Variants in FSCN1 observed in about 807,000 individuals in gnomAD.
FSCN1 encodes fascin actin-bundling protein 1.
Under a neutral mutation model 39.7 loss-of-function variants are expected in FSCN1, and 10 were observed. The observed-to-expected ratio is 0.25, with a 90% confidence interval of 0.16 to 0.43. The LOEUF (loss-of-function observed/expected upper bound fraction) is 0.43. Among genes scored for constraint, FSCN1 ranks in the 20% least tolerant of loss-of-function variants. The pLI, the probability that FSCN1 is intolerant of heterozygous loss-of-function variation, is 1.00. For synonymous variants in FSCN1, 322 were observed against 320.0 expected (o/e 1.01, Z -0.07); for missense variants, 525 against 723.8 (o/e 0.73, Z 3.15).
At chr7:5,594,210 GGC>G (rs1197086912) in intron 1 of FSCN1, among the ~76,000 whole-genome samples, 1 of 152,202 alleles carries the variant, frequency 6.6e-6, no homozygotes, top group Admixed American at 6.5e-5. Context: ...CACCCGCAAG[GGC>G]GCGCCTCCAC....
chr7:5,596,741 G>A (rs1285492765), intron 1 of FSCN1, among the ~76,000 whole-genome samples: 5 of 152,232 alleles, frequency 3.3e-5, no homozygotes, highest in African/African-American at 7.2e-5. Flanking sequence ...GGAAGGGCTC[G>A]TCAAGCTGGG....
intron 1 of FSCN1, among the ~76,000 whole-genome samples, chr7:5,600,008 T>A (rs1242979537): frequency 6.6e-6 from 1 of 152,148 alleles, no homozygotes; most frequent in Non-Finnish European, 1.5e-5. Flanking sequence ...GTTCTTAGAA[T>A]CCAGAGCGCG....
In FSCN1 at chr7:5,599,486, G is replaced by C. The variant is rs572721331; in HGVS notation, c.833-3771G>C. On this transcript the variant is annotated intron_variant, in intron 1 of 4. Coordinates refer to ENST00000382361, the MANE Select transcript of FSCN1 (RefSeq NM_003088.4). This position sits in a 1 kb window ranked among gnomAD's most constrained non-coding sequence, Gnocchi z 5.6. ...GATGAAGATCCCCACCTGTGGAGCAGATGTGGGGCTGCATGGTTGGGTCAG... is the reference window on the plus strand; with the variant it reads ...GATGAAGATCCCCACCTGTGGAGCACATGTGGGGCTGCATGGTTGGGTCAG... 1.6e-3 allele frequency among the ~76,000 whole-genome samples: 250 copies of C among 152,350 alleles called. 1 individual carries two copies. The highest frequency in any genetic ancestry group is 2.9e-3 in the Admixed American group (45 of 15,302).
At position 5,605,232 on chromosome 7, in the gene FSCN1, G is replaced by A. The variant is rs745998714; in HGVS notation, c.1280-40G>A. 2 of 1,505,776 alleles carry A rather than the reference G, an allele frequency of 1.3e-6. No individual in the cohort carries two copies. Among genetic ancestry groups the A allele is most frequent in the East Asian group, 2.3e-5 (1 of 44,218 alleles). The allele number at this position is 1,505,776 out of a possible 1,614,324, so 93.3% of individuals were successfully genotyped here. On this transcript the variant is annotated intron_variant, in intron 4 of 4. Transcript: ENST00000382361. The surrounding 1 kb of genome is among the most constrained non-coding windows in gnomAD (Gnocchi z 6.9). ...CCGCTGCCCAGGGTAGGGGTGGGGAGCCAGGCTTTGGGCCCCACTTGATAA... is the reference window on the plus strand; with the variant it reads ...CCGCTGCCCAGGGTAGGGGTGGGGAACCAGGCTTTGGGCCCCACTTGATAA...
intron 1 of FSCN1, among the ~76,000 whole-genome samples, chr7:5,600,740 A>G (rs1218511877): frequency 9.1e-5 from 12 of 132,040 alleles, no homozygotes; most frequent in Middle Eastern, 4.5e-3. Flanking sequence ...TGCAAGCTCC[A>G]CCTCCCGGGT....
At position 5,606,422 on chromosome 7, in the gene FSCN1, T is replaced by G. The variant is rs1328207019; in HGVS notation, c.*948T>G. Reference sequence around the variant, plus strand: ...CCTGGGCCAGAGCCCCTGCTGTGATTGGTGCTCCCTGGGCCTCCCGGGTGG... The same window carrying G: ...CCTGGGCCAGAGCCCCTGCTGTGATGGGTGCTCCCTGGGCCTCCCGGGTGG... On this transcript the variant is annotated 3_prime_UTR_variant, in exon 5 of 5. Transcript: ENST00000382361. The surrounding 1 kb of genome is among the most constrained non-coding windows in gnomAD (Gnocchi z 5.1). 2 of 151,964 alleles carry G rather than the reference T, an allele frequency of 1.3e-5. No homozygotes were observed. The highest frequency in any genetic ancestry group is 2.4e-5 in the African/African-American group (1 of 41,372). The allele number at this position is 151,964 out of a possible 1,614,324, so 9.4% of individuals were successfully genotyped here.
At position 5,605,446 on chromosome 7, in the gene FSCN1, T is replaced by C; in HGVS notation, c.1454T>C (p.Val485Ala). The change falls in exon 5 of 5, where the codon GTG (valine) becomes GCG (alanine). Residue 485 changes from valine to alanine, a missense_variant. Physicochemically the swap from Val to Ala is moderately conservative, Grantham distance 64. Coordinates refer to ENST00000382361, the MANE Select transcript of FSCN1 (RefSeq NM_003088.4). The surrounding 1 kb of genome is among the most constrained non-coding windows in gnomAD (Gnocchi z 6.9). ...AGVLKASAET[V>A]DPASLWEY ...GTCCTGAAGGCCTCGGCGGAAACCGTGGACCCCGCCTCGCTCTGGGAGTAC... is the reference window on the plus strand; with the variant it reads ...GTCCTGAAGGCCTCGGCGGAAACCGCGGACCCCGCCTCGCTCTGGGAGTAC... The C allele has an allele frequency of 6.3e-7, 1 of 1,597,962 alleles. No homozygotes were observed. Among genetic ancestry groups the C allele is most frequent in the Non-Finnish European group, 8.5e-7 (1 of 1,172,464 alleles).
chr7:5,594,882 C>T (rs1316339868), intron 1 of FSCN1: 2 of 152,258 alleles, frequency 1.3e-5, no homozygotes, highest in East Asian at 1.9e-4. Context: ...CCGTCCCCTC[C>T]GGGGCCTCCT....
At chr7:5,600,203 G>C (rs1288009888) in intron 1 of FSCN1, among the ~76,000 whole-genome samples, 1 of 151,966 alleles carries the variant, frequency 6.6e-6, no homozygotes, top group African/African-American at 2.4e-5. Flanking sequence ...CCTGAGGTCA[G>C]GAGTTTGAGA....
intron 1 of FSCN1, among the ~76,000 whole-genome samples, chr7:5,594,280 G>C (rs1028659940): frequency 8.5e-5 from 13 of 152,096 alleles, no homozygotes; most frequent in Non-Finnish European, 1.8e-4. Flanking sequence ...CTTTGATCCC[G>C]GCGGGGCGCG....
chr7:5,605,453 C>G lies in FSCN1; in HGVS notation c.1461C>G (p.Pro487=), dbSNP rs748943348. 1.3e-6 allele frequency: 2 copies of G among 1,589,578 alleles called. No individual in the cohort carries two copies. Among genetic ancestry groups the G allele is most frequent in the Non-Finnish European group, 8.6e-7 (1 of 1,168,202 alleles). The change falls in exon 5 of 5, where the codon CCC becomes CCG. Residue 487 remains proline (P), a synonymous_variant. Coordinates refer to ENST00000382361, the MANE Select transcript of FSCN1 (RefSeq NM_003088.4). The surrounding 1 kb of genome is among the most constrained non-coding windows in gnomAD (Gnocchi z 6.9). ...VLKASAETVD[P]ASLWEY ...AGGCCTCGGCGGAAACCGTGGACCC[C>G]GCCTCGCTCTGGGAGTACTAGGGCC... is the stretch of plus-strand genomic sequence containing the variant.
chr7:5,594,730 C>G (rs1200465343), intron 1 of FSCN1: 1 of 152,168 alleles, frequency 6.6e-6, no homozygotes, highest in Admixed American at 6.5e-5. Context: ...CAGGCCGGTG[C>G]GCTGAGCTCC....
Position 5,599,347 on chromosome 7 carries a change from G to A in FSCN1, c.833-3910G>A, listed in dbSNP as rs1316941310. Among the ~76,000 whole-genome samples, 1 of 152,188 alleles carries A rather than the reference G, an allele frequency of 6.6e-6. No individual in the cohort carries two copies. Among genetic ancestry groups the A allele is most frequent in the African/African-American group, 2.4e-5 (1 of 41,458 alleles). On this transcript the variant is annotated intron_variant, in intron 1 of 4. Coordinates refer to ENST00000382361, the MANE Select transcript of FSCN1 (RefSeq NM_003088.4). The surrounding 1 kb of genome is among the most constrained non-coding windows in gnomAD (Gnocchi z 5.6). ...GTGGGGCAGGGAAAGGGCGTGGCAAGAGGGCCACCCACCTCCGGTCCAGAG... is the reference window on the plus strand; with the variant it reads ...GTGGGGCAGGGAAAGGGCGTGGCAAAAGGGCCACCCACCTCCGGTCCAGAG...
chr7:5,604,212 C>T (rs191332870), intron 4 of FSCN1, among the ~76,000 whole-genome samples, 182 bp downstream of exon 4: 1 of 152,104 alleles, frequency 6.6e-6, no homozygotes, highest in Admixed American at 6.6e-5. Flanking sequence ...AGCCCCTTTC[C>T]CTCTTGTCTG....
At position 5,603,626 on chromosome 7, in the gene FSCN1, A is replaced by G; in HGVS notation, c.1111+9A>G. The G allele has an allele frequency of 6.2e-7, 1 of 1,613,964 alleles. No individual in the cohort carries two copies. The highest frequency in any genetic ancestry group is 1.1e-5 in the South Asian group (1 of 91,074). On this transcript the variant is annotated intron_variant, in intron 3 of 4. Coordinates refer to ENST00000382361, the MANE Select transcript of FSCN1 (RefSeq NM_003088.4). The surrounding 1 kb of genome is among the most constrained non-coding windows in gnomAD (Gnocchi z 8.5). ...CTCGGTGGAGACAGCAGGTAACACT[A>G]AAGCCCCAGTTCCCTGGAGCCGTCC... is the stretch of plus-strand genomic sequence containing the variant.
At chr7:5,598,966 G>T (rs1220560368) in intron 1 of FSCN1, among the ~76,000 whole-genome samples, 1 of 152,212 alleles carries the variant, frequency 6.6e-6, no homozygotes, top group Non-Finnish European at 1.5e-5. Context: ...TGCGGGTGTG[G>T]CTGGCCTGAC....
Position 5,603,918 on chromosome 7 carries a change from C to A in FSCN1, c.1167C>A (p.Arg389=), listed in dbSNP as rs776771373. ...KLINRPIIVF[R]GEHGFIGCRK... is the part of the protein sequence containing the mutation. ...TCAACCGCCCCATCATCGTGTTCCG[C>A]GGGGAGCATGGCTTCATCGGCTGCC... The change falls in exon 4 of 5, where the codon CGC becomes CGA. Residue 389 remains arginine, a synonymous_variant. Coordinates refer to ENST00000382361, the MANE Select transcript of FSCN1 (RefSeq NM_003088.4). This position sits in a 1 kb window ranked among gnomAD's most constrained non-coding sequence, Gnocchi z 8.5. 3.7e-6 allele frequency: 6 copies of A among 1,614,044 alleles called. No homozygotes were observed. The highest frequency in any genetic ancestry group is 5.1e-6 in the Non-Finnish European group (6 of 1,180,000).
chr7:5,597,360 C>A (rs1335682551), intron 1 of FSCN1, among the ~76,000 whole-genome samples: 1 of 142,378 alleles, frequency 7.0e-6, no homozygotes, highest in Non-Finnish European at 1.5e-5. Context: ...CAGAACGAGA[C>A]CCTGTCTTAA....
In FSCN1 at chr7:5,592,854, C is replaced by G. The variant is rs1009002593; in HGVS notation, c.-83C>G. The G allele has an allele frequency of 9.9e-6, 8 of 804,292 alleles. No individual in the cohort carries two copies. The highest frequency in any genetic ancestry group is 1.3e-5 in the Non-Finnish European group (7 of 523,832). The allele number at this position is 804,292 out of a possible 1,614,324, so 49.8% of individuals were successfully genotyped here. On this transcript the variant is annotated 5_prime_UTR_variant, in exon 1 of 5. Coordinates refer to ENST00000382361, the MANE Select transcript of FSCN1 (RefSeq NM_003088.4). This position sits in a 1 kb window ranked among gnomAD's most constrained non-coding sequence, Gnocchi z 5.3. ...GAGGGTGCGTGCGGGCCGCGGCAGCCGAACAAAGGAGCAGGGGCGCCGCCG... is the reference window on the plus strand; with the variant it reads ...GAGGGTGCGTGCGGGCCGCGGCAGCGGAACAAAGGAGCAGGGGCGCCGCCG...
Sources: gnomAD v4.1 joint callset for allele counts (sites outside exome capture counted in the v4.1 genomes callset) on GRCh38, gnomAD v4.1.1 for gene constraint, Gnocchi (gnomAD v3.1) non-coding constraint, MANE v1.5 for transcripts, NCBI Gene and HGNC (gene_info 2026-07-23, HGNC 2026-07-21) for gene names.